Variants in TAX1BP1 observed in about 807,000 individuals in gnomAD.
TAX1BP1 encodes the protein tax1-binding protein 1.
A neutral mutation model predicts 97.7 loss-of-function variants in TAX1BP1; 62 were observed. The ratio of observed to expected loss-of-function variants is 0.63; its 90% CI spans 0.52 to 0.78. The LOEUF (loss-of-function observed/expected upper bound fraction) is 0.78, where lower values mean the gene tolerates loss of function less well. Among genes scored for constraint, TAX1BP1 ranks in the 30% least tolerant of loss-of-function variants. The pLI is 0.00. For missense variants in TAX1BP1, 867 were observed against 916.1 expected (o/e 0.95, Z 0.69); for synonymous variants, 340 against 304.2 (o/e 1.12, Z -1.23).
chr7:27,799,988 A>G lies in TAX1BP1; in HGVS notation c.1662A>G (p.Lys554=). The change falls in exon 13 of 17, where the codon AAA becomes AAG. Residue 554 remains lysine (K), a synonymous_variant. Coordinates refer to ENST00000396319, the MANE Select transcript of TAX1BP1 (RefSeq NM_006024.7). ...LLQDEKAKCN[K]YADELAKMEL... ...AGGATGAGAAAGCAAAATGCAATAA[A>G]TATGCTGATGAACTTGCAAAAATGG... The G allele has an allele frequency of 6.3e-7, 1 of 1,599,444 alleles. No homozygotes were observed. The highest frequency in any genetic ancestry group is 2.3e-5 in the East Asian group (1 of 44,348).
intron 5 of TAX1BP1, among the ~76,000 whole-genome samples, chr7:27,774,675 G>C (rs936355550): frequency 6.6e-6 from 1 of 151,958 alleles, no homozygotes; most frequent in Admixed American, 6.6e-5. Context: ...GACAGTCCTG[G>C]TTTACTATAT....
chr7:27,764,755 A>G (rs1166156299), intron 3 of TAX1BP1, among the ~76,000 whole-genome samples: 1 of 151,908 alleles, frequency 6.6e-6, no homozygotes. Flanking sequence ...TTATTAGTTG[A>G]TCATTACGTT....
At chr7:27,745,359 T>G (rs1787779392) in intron 1 of TAX1BP1, among the ~76,000 whole-genome samples, 1 of 152,206 alleles carries the variant, frequency 6.6e-6, no homozygotes, top group South Asian at 2.1e-4. Flanking sequence ...TAAGCTTGCC[T>G]AAGTCTGTTA....
rs752521916 is a variant in TAX1BP1 at position 27,803,128 on chromosome 7, A to G, written c.1764+3038A>G. 1.1e-5 allele frequency: 17 copies of G among 1,548,000 alleles called. No homozygotes were observed. The South Asian group carries it at 2.0e-4, about 19-fold the overall frequency. On this transcript the variant is annotated intron_variant, in intron 13 of 16. Coordinates refer to ENST00000396319, the MANE Select transcript of TAX1BP1 (RefSeq NM_006024.7). The stretch of plus-strand genomic sequence containing the variant: ...ATTCAGCTTCAATTGGCAGAGAAAG[A>G]CAAAGAAATAAGTGGTCTGATTTCA...
chr7:27,740,614 C>T (rs1167094967), intron 1 of TAX1BP1, among the ~76,000 whole-genome samples: 1 of 152,132 alleles, frequency 6.6e-6, no homozygotes, highest in Non-Finnish European at 1.5e-5. Context: ...CTGGCGACCC[C>T]CGAAGGAAAA....
intron 5 of TAX1BP1, among the ~76,000 whole-genome samples, chr7:27,778,734 G>A (rs908527095): frequency 5.3e-5 from 8 of 151,844 alleles, no homozygotes; most frequent in Non-Finnish European, 8.8e-5. Context: ...GTGGTGGCAC[G>A]CACCTGTAGT....
intron 3 of TAX1BP1, among the ~76,000 whole-genome samples, chr7:27,763,067 A>G (rs1788488444): frequency 6.6e-6 from 1 of 152,240 alleles, no homozygotes; most frequent in African/African-American, 2.4e-5. Flanking sequence ...CTCCGTGCCT[A>G]GAACTTTTTT....
At chr7:27,788,016 T>C (rs1789556456) in intron 8 of TAX1BP1, among the ~76,000 whole-genome samples, 3 of 152,214 alleles carry the variant, frequency 2.0e-5, no homozygotes, top group Non-Finnish European at 4.4e-5. Flanking sequence ...CTTTAAAATT[T>C]TGTGATTCAC....
At chr7:27,796,696 T>C (rs1279208270) in intron 12 of TAX1BP1, among the ~76,000 whole-genome samples, 1 of 151,958 alleles carries the variant, frequency 6.6e-6, no homozygotes, top group African/African-American at 2.4e-5. Context: ...ACCCTGTCTG[T>C]ACTAAAAATA....
chr7:27,824,579 G>C (rs183200748), intron 15 of TAX1BP1, among the ~76,000 whole-genome samples: 233 of 142,232 alleles, frequency 1.6e-3, no homozygotes, highest in African/African-American at 5.7e-3. Flanking sequence ...AAAAATTACT[G>C]TTCAAATGTC....
chr7:27,749,160 T>C (rs944264997), intron 2 of TAX1BP1, among the ~76,000 whole-genome samples: 2 of 152,192 alleles, frequency 1.3e-5, no homozygotes, highest in African/African-American at 4.8e-5. Context: ...AGTATTCTGT[T>C]TAACATGACT....
Position 27,828,752 on chromosome 7 carries a change from C to T in TAX1BP1, c.2293C>T (p.Pro765Ser). The T allele has an allele frequency of 6.2e-7, 1 of 1,613,994 alleles. No homozygotes were observed. ...GTGCCCGATGTGCAGCGAGCAGTTCCCTCCTGACTATGACCAGCAGGTGTT... is the reference window on the plus strand; with the variant it reads ...GTGCCCGATGTGCAGCGAGCAGTTCTCTCCTGACTATGACCAGCAGGTGTT... ...KVCPMCSEQF[P>S]PDYDQQVFER... Residue 765 changes from proline to serine, a missense_variant, in exon 17 of 17, where the codon CCT becomes TCT. Transcript: ENST00000396319.
intron 13 of TAX1BP1, among the ~76,000 whole-genome samples, chr7:27,801,269 G>A (rs1315443783): frequency 6.7e-6 from 1 of 149,306 alleles, no homozygotes; most frequent in Non-Finnish European, 1.5e-5. Context: ...TGAAGACCAG[G>A]AATTCTAAAT....
chr7:27,792,013 C>A lies in TAX1BP1; in HGVS notation c.1046C>A (p.Thr349Asn). Residue 349 changes from threonine to asparagine, a missense_variant, in exon 9 of 17, where the codon ACT (threonine) becomes AAT (asparagine). Physicochemically the swap from Thr to Asn is moderately conservative, Grantham distance 65. Around this residue, in one of 3 missense-constraint regions of TAX1BP1, gnomAD observed 822 missense variants for 851.4 expected, o/e 0.97. Coordinates refer to ENST00000396319, the MANE Select transcript of TAX1BP1 (RefSeq NM_006024.7). ...TTTATCTGCTTTCTTCAGGAAGATACTTGTTTTTTAAAGGAGCAACTTCGT... is the reference window on the plus strand; with the variant it reads ...TTTATCTGCTTTCTTCAGGAAGATAATTGTTTTTTAAAGGAGCAACTTCGT... ...FLLTTSSKED[T>N]CFLKEQLRKA... 1 of 1,613,752 alleles carries A rather than the reference C, an allele frequency of 6.2e-7. No homozygotes were observed. Among genetic ancestry groups the A allele is most frequent in the Non-Finnish European group, 8.5e-7 (1 of 1,179,828 alleles).
At chr7:27,777,408 T>G (rs537202777) in intron 5 of TAX1BP1, among the ~76,000 whole-genome samples, 1 of 152,302 alleles carries the variant, frequency 6.6e-6, no homozygotes, top group East Asian at 1.9e-4. Flanking sequence ...GGAAAGACCC[T>G]TCTTTCAATT....
chr7:27,827,887 G>C, intron 16 of TAX1BP1, 67 bp downstream of exon 16: 2 of 1,438,406 alleles, frequency 1.4e-6, no homozygotes, highest in Admixed American at 3.5e-5. Context: ...GGTGGTCCTT[G>C]GGAACTCATT....
At chr7:27,741,166 A>G (rs1787582806) in intron 1 of TAX1BP1, among the ~76,000 whole-genome samples, 1 of 152,194 alleles carries the variant, frequency 6.6e-6, no homozygotes, top group Non-Finnish European at 1.5e-5. Context: ...GGGAAAATAA[A>G]TCTTGATTTT....
intron 1 of TAX1BP1, among the ~76,000 whole-genome samples, chr7:27,745,313 C>T (rs573337053): frequency 3.3e-5 from 5 of 152,286 alleles, no homozygotes; most frequent in Non-Finnish European, 5.9e-5. Context: ...CACTCCCGTG[C>T]GACCTTGACA....
At chr7:27,810,584 T>G (rs949820468) in intron 13 of TAX1BP1, among the ~76,000 whole-genome samples, 6 of 152,168 alleles carry the variant, frequency 3.9e-5, no homozygotes, top group Non-Finnish European at 7.4e-5. Context: ...TTGTTATTGT[T>G]AAAAAACCTG....
Sources: gnomAD v4.1 joint callset for allele counts (sites outside exome capture counted in the v4.1 genomes callset) on GRCh38, gnomAD v4.1.1 for gene constraint, gnomAD v4.1.1 regional missense constraint, MANE v1.5 for transcripts, NCBI Gene and HGNC (gene_info 2026-07-23, HGNC 2026-07-21) for gene names.